The following ACACA variants were observed in gnomAD, a reference collection of about 807,000 sequenced individuals.
The protein encoded by ACACA is acetyl-CoA carboxylase alpha.
In ACACA, 103 loss-of-function variants were observed where a neutral mutation model predicts 296.1. The observed-to-expected ratio is 0.35, with a 90% CI of 0.30 to 0.41. The LOEUF (loss-of-function observed/expected upper bound fraction) is 0.41, where lower values mean the gene tolerates loss of function less well. ACACA is among the 10% of genes least tolerant of loss of function. ACACA has a pLI of 1.00. For missense variants in ACACA, 1,554 were observed against 2,989.7 expected, an observed-to-expected ratio of 0.52 and a Z score of 11.20; for synonymous variants, 953 against 1,038.6, an observed-to-expected ratio of 0.92 and a Z score of 1.58.
chr17:37,362,973 C>CAA (rs1157570690), intron 1 of ACACA, among the ~76,000 whole-genome samples: 15 of 51,536 alleles, frequency 2.9e-4, no homozygotes, highest in African/African-American at 7.1e-4. Context: ...GACTCCGTCT[C>CAA]AAAAAAAAAA....
intron 27 of ACACA, 69 bp from the exon 28 acceptor site, chr17:37,223,670 CA>C (rs1274749873): frequency 6.9e-6 from 8 of 1,160,108 alleles, no homozygotes; most frequent in Non-Finnish European, 9.1e-6. Flanking sequence ...CACTATTTGG[CA>C]TTTGAAGCAT....
At chr17:37,216,734 T>C (rs531276536) in intron 29 of ACACA, among the ~76,000 whole-genome samples, 10 of 152,010 alleles carry the variant, frequency 6.6e-5, no homozygotes, top group African/African-American at 2.2e-4. Context: ...CCCTAGTCAT[T>C]TGCAATATAT....
At chr17:37,317,757 T>C (rs1377637480) in intron 3 of ACACA, among the ~76,000 whole-genome samples, 1 of 152,210 alleles carries the variant, frequency 6.6e-6, no homozygotes, top group Middle Eastern at 3.2e-3. Flanking sequence ...GTACCGAGCC[T>C]TACTTACAAC....
chr17:37,185,519 G>T (rs1302879827), intron 39 of ACACA, among the ~76,000 whole-genome samples: 1 of 147,298 alleles, frequency 6.8e-6, no homozygotes, highest in Non-Finnish European at 1.5e-5. Context: ...CCAAAGTGCT[G>T]GGATTACAGG....
At chr17:37,328,342 G>GGAT (rs1210301428) in intron 3 of ACACA, among the ~76,000 whole-genome samples, 2 of 152,280 alleles carry the variant, frequency 1.3e-5, no homozygotes, top group South Asian at 2.1e-4. Context: ...CATGATAGGA[G>GGAT]GATCGCTTGA....
At chr17:37,342,979 T>C (rs1180061998) in intron 1 of ACACA, among the ~76,000 whole-genome samples, 1 of 152,062 alleles carries the variant, frequency 6.6e-6, no homozygotes, top group African/African-American at 2.4e-5. Flanking sequence ...TTCAGAAATT[T>C]TTTTTTTCTT....
At chr17:37,331,071 C>T (rs1014056850) in intron 2 of ACACA, among the ~76,000 whole-genome samples, 6 of 151,592 alleles carry the variant, frequency 4.0e-5, no homozygotes, top group African/African-American at 1.2e-4. Flanking sequence ...CCACCATGCC[C>T]GGCTAATTCT....
At chr17:37,402,803 GC>G (rs1345034324) in intron 1 of ACACA, among the ~76,000 whole-genome samples, 2 of 152,022 alleles carry the variant, frequency 1.3e-5, no homozygotes, top group East Asian at 1.9e-4. Flanking sequence ...CTCCTGAGTA[GC>G]TGGGACTACA....
chr17:37,294,881 T>C (rs1394350648), intron 3 of ACACA, among the ~76,000 whole-genome samples: 1 of 152,220 alleles, frequency 6.6e-6, no homozygotes, highest in Non-Finnish European at 1.5e-5. Context: ...CTTAGCATGT[T>C]TTCCCTTCAG....
intron 41 of ACACA, among the ~76,000 whole-genome samples, chr17:37,173,982 T>TTTTATATATA (rs1410582295): frequency 5.1e-5 from 1 of 19,450 alleles, no homozygotes; most frequent in South Asian, 2.0e-3. Context: ...CCTGGCTAAT[T>TTTTATATATA]TATATATATA....
Position 37,122,589 on chromosome 17 carries a change from G to A in ACACA, c.6080C>T (p.Thr2027Ile). 6.2e-7 allele frequency: 1 copy of A among 1,614,174 alleles called. No individual in the cohort carries two copies. The change falls in exon 49 of 56, where the codon ACC becomes ATC. Residue 2027 changes from threonine (T) to isoleucine (I), a missense_variant. Physicochemically the swap from Thr to Ile is moderately conservative, Grantham distance 89 (BLOSUM62 -1). Coordinates refer to ENST00000616317, the MANE Select transcript of ACACA (RefSeq NM_198834.3). ...GIPVGVVAVE[T>I]RTVELSIPAD... ...TGGGATACTTAGTTCTACTGTTCGG[G>A]TTTCTACAGCAACAACTCCCACAGG...
At chr17:37,203,168 G>T (rs911742854) in intron 33 of ACACA, among the ~76,000 whole-genome samples, 8 of 151,802 alleles carry the variant, frequency 5.3e-5, no homozygotes, top group African/African-American at 1.7e-4. Flanking sequence ...CACCATATTG[G>T]CCAGGCTGGT....
intron 25 of ACACA, among the ~76,000 whole-genome samples, chr17:37,233,521 C>A (rs575112489): frequency 2.6e-5 from 4 of 152,122 alleles, no homozygotes; most frequent in Non-Finnish European, 1.5e-5. Context: ...TTCTTAAAAA[C>A]GTAATCACAA....
chr17:37,328,894 TG>T, intron 3 of ACACA: 1 of 398,548 alleles, frequency 2.5e-6, no homozygotes, highest in Non-Finnish European at 4.4e-6. Flanking sequence ...TCGAAATCTC[TG>T]GGGATGGGGC....
At position 37,125,901 on chromosome 17, in the gene ACACA, T is replaced by A. The variant is rs2074760813; in HGVS notation, c.5945-107A>T. On this transcript the variant is annotated intron_variant, in intron 47 of 55. Coordinates refer to ENST00000616317, the MANE Select transcript of ACACA (RefSeq NM_198834.3). ...GTTTGGGGGATTATTTTGGGGAGTT[T>A]GTTGTTTTTAACCAAATTATAATAG... 2.9e-6 allele frequency: 3 copies of A among 1,041,538 alleles called. No homozygotes were observed. In the South Asian group the frequency reaches 4.1e-5, roughly 14 times the overall value. The allele number at this position is 1,041,538 out of a possible 1,614,324, so 64.5% of individuals were successfully genotyped here.
At chr17:37,254,375 C>T (rs1312365404) in intron 14 of ACACA, among the ~76,000 whole-genome samples, 1 of 152,176 alleles carries the variant, frequency 6.6e-6, no homozygotes, top group Non-Finnish European at 1.5e-5. Context: ...CTGTTGCCCA[C>T]CTCTGTCCTC....
At chr17:37,276,178 A>C in intron 7 of ACACA, 129 bp from the exon 8 acceptor site, 1 of 726,956 alleles carries the variant, frequency 1.4e-6, no homozygotes. Context: ...CATATCAAGG[A>C]GATCATAAAT....
chr17:37,379,004 TGAGGCTGGAGTG>T, intron 1 of ACACA: 1 of 1,116,748 alleles, frequency 9.0e-7, no homozygotes, highest in Non-Finnish European at 1.2e-6. Flanking sequence ...CGAGGGAGTT[TGAGGCTGGAGTG>T]AGCCATGATT....
chr17:37,170,039 T>C (rs2076827490), intron 41 of ACACA, among the ~76,000 whole-genome samples: 1 of 152,146 alleles, frequency 6.6e-6, no homozygotes, highest in Non-Finnish European at 1.5e-5. Context: ...TACAAATTAT[T>C]TTGTCATTAC....
Sources: gnomAD v4.1 joint callset for allele counts (sites outside exome capture counted in the v4.1 genomes callset) on GRCh38, gnomAD v4.1.1 for gene constraint, MANE v1.5 for transcripts, NCBI Gene and HGNC (gene_info 2026-07-23, HGNC 2026-07-21) for gene names.